The following TLN2 variants were observed in gnomAD, a reference collection of about 807,000 sequenced individuals.
The protein encoded by TLN2 is talin 2, also known as talin-2.
Under a neutral mutation model 294.7 loss-of-function variants are expected in TLN2, and 118 were observed. The observed-to-expected ratio is 0.40, with a 90% CI of 0.34 to 0.47. The LOEUF is 0.47. TLN2 is among the 20% of genes least tolerant of loss of function. The probability of loss-of-function intolerance (pLI) is 0.84; values close to 1 mark genes in which losing one functional copy is unlikely to be tolerated. For missense variants in TLN2, 3,083 were observed against 3,282.2 expected (o/e 0.94, Z 1.48); for synonymous variants, 1,431 against 1,304.5 (o/e 1.10, Z -2.09).
intron 1 of TLN2, among the ~76,000 whole-genome samples, chr15:62,464,752 A>G (rs949343024): frequency 1.3e-5 from 2 of 152,182 alleles, no homozygotes; most frequent in Admixed American, 6.5e-5. Context: ...GCTATCGGGC[A>G]TTCTTGAAGT....
At chr15:62,763,363 A>G (rs1484817159) in intron 39 of TLN2, 200 bp from the exon 40 acceptor site, 1 of 519,576 alleles carries the variant, frequency 1.9e-6, no homozygotes, top group Non-Finnish European at 3.2e-6. Flanking sequence ...AGAAATAAGT[A>G]GAGTTATCTG....
intron 41 of TLN2, among the ~76,000 whole-genome samples, chr15:62,767,339 CT>C (rs1361900252): frequency 7.4e-5 from 11 of 148,496 alleles, no homozygotes; most frequent in South Asian, 2.1e-4. Flanking sequence ...CTTTTCTTTT[CT>C]TTTCTTTGTT....
In TLN2 at chr15:62,792,656, C is replaced by T. The variant is rs202223044; in HGVS notation, c.5752C>T (p.Arg1918Cys). ...AEPEEIGFQI[R>C]TRVQDLGHGC... ...GCCTCTGCAGATCGGATTCCAGATT[C>T]GCACTCGTGTGCAGGACCTGGGCCA... Residue 1918 changes from arginine (R) to cysteine (C), a missense_variant, in exon 46 of 59, where the codon CGC (arginine) becomes TGC (cysteine). Physicochemically the swap from Arg to Cys is radical, Grantham distance 180. Coordinates refer to ENST00000636159, the MANE Select transcript of TLN2 (RefSeq NM_015059.3). 17 of 1,613,428 alleles carry T rather than the reference C, an allele frequency of 1.1e-5. No individual in the cohort carries two copies. Among genetic ancestry groups the T allele is most frequent in the South Asian group, 2.2e-5 (2 of 91,036 alleles).
Position 62,761,759 on chromosome 15 carries a change from A to T in TLN2, c.4717A>T (p.Asn1573Tyr). ...ATAPLIEAVE[N>Y]LTAFASNPEF... ...CGCACCCTTGATTGAAGCTGTGGAG[A>T]ACCTGACAGCGTTCGCCTCAAACCC... is the stretch of plus-strand genomic sequence containing the variant. Residue 1573 changes from asparagine (N) to tyrosine (Y), a missense_variant, in exon 38 of 59, where the codon AAC becomes TAC. Coordinates refer to ENST00000636159, the MANE Select transcript of TLN2 (RefSeq NM_015059.3). 1 of 1,614,122 alleles carries T rather than the reference A, an allele frequency of 6.2e-7. No homozygotes were observed. The highest frequency in any genetic ancestry group is 1.7e-5 in the Admixed American group (1 of 60,024).
intron 2 of TLN2, among the ~76,000 whole-genome samples, chr15:62,590,153 G>A (rs1316736757): frequency 6.6e-6 from 1 of 151,996 alleles, no homozygotes; most frequent in African/African-American, 2.4e-5. Flanking sequence ...AACTTCTAGT[G>A]GTCTTTTTTT....
chr15:62,817,605 C>T (rs1297480028), intron 52 of TLN2, among the ~76,000 whole-genome samples: 2 of 152,084 alleles, frequency 1.3e-5, no homozygotes, highest in Non-Finnish European at 2.9e-5. Flanking sequence ...CTCCTCTCAT[C>T]GGTTTTTTTC....
chr15:62,540,511 C>T (rs1009134189), intron 1 of TLN2, among the ~76,000 whole-genome samples: 1 of 151,900 alleles, frequency 6.6e-6, no homozygotes, highest in Admixed American at 6.6e-5. Context: ...AGCCCTTTCT[C>T]TGAAGGAGGG....
Position 62,607,336 on chromosome 15 carries a change from C to T in TLN2, c.-161-11015C>T, listed in dbSNP as rs28645640. ...TGAAAGGATGATGCTAGCCCACCCGCACCACCTCCCTTCTTAATTAGATTA... is the reference window on the plus strand; with the variant it reads ...TGAAAGGATGATGCTAGCCCACCCGTACCACCTCCCTTCTTAATTAGATTA... On this transcript the variant is annotated intron_variant, in intron 2 of 58. Transcript: ENST00000636159. 2.5e-3 allele frequency among the ~76,000 whole-genome samples: 387 copies of T among 152,270 alleles called. 4 individuals carry two copies. The highest frequency in any genetic ancestry group is 9.0e-3 in the African/African-American group (376 of 41,552).
intron 1 of TLN2, among the ~76,000 whole-genome samples, chr15:62,429,467 T>C (rs1323783841): frequency 6.6e-6 from 1 of 152,154 alleles, no homozygotes; most frequent in African/African-American, 2.4e-5. Flanking sequence ...CCACCCGACT[T>C]GAGACCTGTC....
intron 1 of TLN2, among the ~76,000 whole-genome samples, chr15:62,518,873 T>C (rs983065643): frequency 6.6e-6 from 1 of 152,180 alleles, no homozygotes; most frequent in African/African-American, 2.4e-5. Flanking sequence ...GCAGGGATTA[T>C]AGGAGTGAGC....
intron 1 of TLN2, among the ~76,000 whole-genome samples, chr15:62,420,830 T>C (rs2034349447): frequency 6.6e-6 from 1 of 152,154 alleles, no homozygotes; most frequent in African/African-American, 2.4e-5. Context: ...AACAAGTTTA[T>C]TGGGGGTCTG....
chr15:62,757,805 C>T (rs568593486), intron 37 of TLN2, among the ~76,000 whole-genome samples: 9 of 152,288 alleles, frequency 5.9e-5, no homozygotes, highest in Middle Eastern at 3.4e-3. Flanking sequence ...CAGAAATGAA[C>T]GTGCTGCCCC....
chr15:62,427,819 A>G (rs1015331518), intron 1 of TLN2, among the ~76,000 whole-genome samples: 1 of 152,150 alleles, frequency 6.6e-6, no homozygotes, highest in Non-Finnish European at 1.5e-5. Flanking sequence ...TATTTGTTTC[A>G]TCTTGGCTGT....
intron 1 of TLN2, among the ~76,000 whole-genome samples, chr15:62,542,356 T>A (rs370721470): frequency 2.5e-4 from 27 of 106,314 alleles, no homozygotes; most frequent in African/African-American, 1.3e-3. Context: ...CGTACCTGGC[T>A]GATTTTGTAT....
At chr15:62,603,932 G>C (rs2047202273) in intron 2 of TLN2, among the ~76,000 whole-genome samples, 2 of 152,164 alleles carry the variant, frequency 1.3e-5, no homozygotes, top group African/African-American at 4.8e-5. Context: ...AAATATTTGA[G>C]GCTACTGCCT....
chr15:62,655,586 C>CTATA lies in TLN2; in HGVS notation c.518-358_518-357insTATA, dbSNP rs2053121169. 2.0e-3 allele frequency among the ~76,000 whole-genome samples: 2 copies of CTATA among 1,018 alleles called. 1 individual carries two copies. The highest frequency in any genetic ancestry group is 2.2e-3 in the African/African-American group (2 of 930). The allele number at this position is 1,018 out of a possible 152,430, so 0.7% of individuals were successfully genotyped here. The stretch of plus-strand genomic sequence containing the variant: ...GCAGCATATTATACATTCATTGTAG[C>CTATA]ACATGTCACCGTGGGTTGGCTGGCA... On this transcript the variant is annotated intron_variant, in intron 7 of 58. Coordinates refer to ENST00000636159, the MANE Select transcript of TLN2 (RefSeq NM_015059.3).
At chr15:62,770,483 T>G (rs2063287460) in intron 41 of TLN2, among the ~76,000 whole-genome samples, 1 of 152,236 alleles carries the variant, frequency 6.6e-6, no homozygotes, top group African/African-American at 2.4e-5. Flanking sequence ...GTGCTGTTTT[T>G]CCAAATCAAG....
chr15:62,740,050 T>TG (rs1567501441), intron 31 of TLN2, among the ~76,000 whole-genome samples: 3 of 151,016 alleles, frequency 2.0e-5, no homozygotes, highest in Admixed American at 6.6e-5. Flanking sequence ...GTTTTTTGTT[T>TG]TTTTTTTTTT....
intron 1 of TLN2, among the ~76,000 whole-genome samples, chr15:62,415,583 C>A (rs568966545): frequency 9.8e-6 from 1 of 101,746 alleles, no homozygotes; most frequent in Non-Finnish European, 2.0e-5. Flanking sequence ...CATTTAACCC[C>A]TGCTTGCCCC....
Sources: allele counts gnomAD v4.1 joint callset (sites outside exome capture counted in the v4.1 genomes callset), GRCh38; gene constraint gnomAD v4.1.1; transcripts MANE v1.5; gene names NCBI Gene and HGNC (gene_info 2026-07-23, HGNC 2026-07-21).